The following KAT2B variants were observed in gnomAD, a reference collection of about 807,000 sequenced individuals.
KAT2B encodes histone acetyltransferase KAT2B.
In KAT2B, 36 loss-of-function variants were observed where a neutral mutation model predicts 105.9. The observed-to-expected ratio is 0.34, with a 90% CI of 0.26 to 0.45. The LOEUF is 0.45. Among genes scored for constraint, KAT2B ranks in the 20% least tolerant of loss-of-function variants. The pLI, the probability that KAT2B is intolerant of heterozygous loss-of-function variation, is 1.00. For synonymous variants in KAT2B, 397 were observed against 377.9 expected (o/e 1.05, Z -0.59); for missense variants, 820 against 1,021.6 (o/e 0.80, Z 2.69).
chr3:20,126,478 A>G (rs1401658679), intron 10 of KAT2B, among the ~76,000 whole-genome samples: 3 of 151,736 alleles, frequency 2.0e-5, no homozygotes, highest in Non-Finnish European at 4.4e-5. Context: ...GTGGGCAATT[A>G]TTGGGATATA....
At chr3:20,053,867 C>T (rs1294391200) in intron 1 of KAT2B, among the ~76,000 whole-genome samples, 1 of 151,844 alleles carries the variant, frequency 6.6e-6, no homozygotes, top group Non-Finnish European at 1.5e-5. Context: ...GGCATGATCT[C>T]AGCTCACCGC....
At chr3:20,061,221 A>G (rs773305503) in intron 1 of KAT2B, among the ~76,000 whole-genome samples, 20 of 152,296 alleles carry the variant, frequency 1.3e-4, no homozygotes, top group Non-Finnish European at 2.8e-4. Flanking sequence ...TCTAAGTGGA[A>G]TCATACAGTA....
At chr3:20,052,433 A>G (rs1366694769) in intron 1 of KAT2B, among the ~76,000 whole-genome samples, 1 of 152,152 alleles carries the variant, frequency 6.6e-6, no homozygotes, top group Non-Finnish European at 1.5e-5. Context: ...TTTCCATTAA[A>G]TTCATATCTC....
intron 2 of KAT2B, among the ~76,000 whole-genome samples, chr3:20,092,948 C>T (rs1275777281): frequency 2.0e-5 from 3 of 152,108 alleles, no homozygotes; most frequent in African/African-American, 4.8e-5. Context: ...GATTCGACTG[C>T]CTCAGCCTCC....
At chr3:20,146,697 C>A (rs1481632122) in intron 14 of KAT2B, 2 of 240,834 alleles carry the variant, frequency 8.3e-6, no homozygotes, top group Non-Finnish European at 1.6e-5. Context: ...TAGCACAGTG[C>A]GAATTATTAC....
intron 11 of KAT2B, among the ~76,000 whole-genome samples, chr3:20,132,607 C>G (rs1699530016): frequency 6.6e-6 from 1 of 152,130 alleles, no homozygotes. Flanking sequence ...CCTCTCTAAC[C>G]AAGGCAGTAC....
chr3:20,121,168 AAAAG>A (rs1699300677), intron 8 of KAT2B, among the ~76,000 whole-genome samples: 1 of 152,178 alleles, frequency 6.6e-6, no homozygotes, highest in African/African-American at 2.4e-5. Context: ...AATTGTAAAA[AAAAG>A]AACTCGACAA....
chr3:20,072,221 CAG>C (rs1434390363), intron 1 of KAT2B, 110 bp from the exon 2 acceptor site: 11 of 1,119,502 alleles, frequency 9.8e-6, no homozygotes, highest in East Asian at 7.1e-5. Context: ...ACGACAAAGT[CAG>C]GGGTGAGGGG....
At chr3:20,057,462 C>T (rs1698021114) in intron 1 of KAT2B, among the ~76,000 whole-genome samples, 2 of 152,052 alleles carry the variant, frequency 1.3e-5, no homozygotes, top group Admixed American at 6.6e-5. Flanking sequence ...TGATTTGGTG[C>T]CAAAACAACA....
At chr3:20,121,374 A>G (rs1699304413) in intron 8 of KAT2B, among the ~76,000 whole-genome samples, 1 of 152,230 alleles carries the variant, frequency 6.6e-6, no homozygotes, top group African/African-American at 2.4e-5. Flanking sequence ...CAAAAAATTT[A>G]CTTGTAAAAA....
chr3:20,072,243 A>G (rs1698337147), intron 1 of KAT2B, 90 bp from the exon 2 acceptor site: 1 of 1,331,882 alleles, frequency 7.5e-7, no homozygotes, highest in Non-Finnish European at 1.1e-6. Flanking sequence ...GATAGCTGTC[A>G]TATAATTAGT....
chr3:20,097,427 C>A (rs769511836), intron 3 of KAT2B, among the ~76,000 whole-genome samples: 2 of 152,170 alleles, frequency 1.3e-5, no homozygotes, highest in African/African-American at 4.8e-5. Context: ...ATTCTCCCCA[C>A]CTCCTGCAAA....
At chr3:20,046,835 A>G (rs1697819963) in intron 1 of KAT2B, among the ~76,000 whole-genome samples, 2 of 152,170 alleles carry the variant, frequency 1.3e-5, no homozygotes, top group African/African-American at 4.8e-5. Context: ...CCCAAGGGAC[A>G]TTTGACAATG....
rs1197487663 is a variant in KAT2B at position 20,115,005 on chromosome 3, A to G, written c.1150+17A>G. The G allele has an allele frequency of 6.5e-7, 1 of 1,533,438 alleles. No individual in the cohort carries two copies. Among genetic ancestry groups the G allele is most frequent in the Non-Finnish European group, 9.0e-7 (1 of 1,107,294 alleles). 95.0% of individuals were successfully genotyped at this position (1,533,438 alleles called of 1,614,324 possible). A position where few individuals can be genotyped will look rare whatever the true frequency, so the allele number is the denominator to read the frequency against. On this transcript the variant is annotated intron_variant, in intron 7 of 17. Transcript: ENST00000263754. ...TCCAAACAGGTAAGTTTCCTTTTAC[A>G]TGAATCAGAGAACAACCAGGGAGGC...
At chr3:20,066,465 C>T (rs531135574) in intron 1 of KAT2B, among the ~76,000 whole-genome samples, 139 of 152,258 alleles carry the variant, frequency 9.1e-4, no homozygotes, top group Non-Finnish European at 1.6e-3. Context: ...GTGGTGCCAT[C>T]TCAGCTTACT....
intron 5 of KAT2B, among the ~76,000 whole-genome samples, chr3:20,103,824 T>C (rs1698952407): frequency 6.6e-6 from 1 of 152,082 alleles, no homozygotes; most frequent in African/African-American, 2.4e-5. Flanking sequence ...TTTGGATGAG[T>C]GCTGGGTTTG....
intron 7 of KAT2B, among the ~76,000 whole-genome samples, chr3:20,118,848 A>G (rs1201782360): frequency 6.6e-6 from 1 of 150,472 alleles, no homozygotes; most frequent in East Asian, 1.9e-4. Flanking sequence ...GTTGAAAGTT[A>G]CAAACATCAT....
intron 2 of KAT2B, among the ~76,000 whole-genome samples, chr3:20,085,273 C>T (rs773235992): frequency 2.5e-4 from 38 of 152,078 alleles, no homozygotes; most frequent in Non-Finnish European, 1.3e-4. Flanking sequence ...AAAATGTTGA[C>T]CTAATTGTCT....
intron 9 of KAT2B, 90 bp from the exon 10 acceptor site, chr3:20,125,815 A>G: frequency 9.6e-7 from 1 of 1,045,084 alleles, no homozygotes; most frequent in Non-Finnish European, 1.5e-6. Context: ...GTATCTTATT[A>G]GAACAAAGAT....
Sources: gnomAD v4.1 joint callset for allele counts (sites outside exome capture counted in the v4.1 genomes callset) on GRCh38, gnomAD v4.1.1 for gene constraint, MANE v1.5 for transcripts, NCBI Gene and HGNC (gene_info 2026-07-23, HGNC 2026-07-21) for gene names.